Variants in FKBP3 observed in about 807,000 individuals in gnomAD.
FKBP3 encodes FKBP prolyl isomerase 3, also known as peptidyl-prolyl cis-trans isomerase FKBP3.
Under a neutral mutation model 30.6 loss-of-function variants are expected in FKBP3, and 21 were observed. The ratio of observed to expected loss-of-function variants is 0.69; its 90% CI spans 0.49 to 0.99. The LOEUF (loss-of-function observed/expected upper bound fraction) is 0.99, where lower values mean the gene tolerates loss of function less well. Among genes scored for constraint, FKBP3 ranks in the 50% least tolerant of loss-of-function variants. The pLI is 0.00. For missense variants in FKBP3, 283 were observed against 261.6 expected (o/e 1.08, Z -0.56); for synonymous variants, 82 against 91.3 (o/e 0.90, Z 0.58).
chr14:45,118,257 A>G (rs1884900028), intron 5 of FKBP3, 132 bp from the exon 6 acceptor site: 1 of 561,066 alleles, frequency 1.8e-6, no homozygotes. Context: ...ATATTCTAAG[A>G]TAATGTACTT....
intron 3 of FKBP3, among the ~76,000 whole-genome samples, chr14:45,124,742 A>G (rs996991741): frequency 2.0e-5 from 3 of 151,918 alleles, no homozygotes; most frequent in Non-Finnish European, 4.4e-5. Context: ...CTGCTTAATA[A>G]TATTTCAAAA....
rs1885171699 is a variant in FKBP3 at position 45,129,587 on chromosome 14, AG to A, written c.318+206del. ...CAATATCAGAAGTGTTTCACAGAAT[AG>A]GCTAATAACTGTAAAGCACTAGTTC... On this transcript the variant is annotated intron_variant, in intron 3 of 6. Coordinates refer to ENST00000396062, the MANE Select transcript of FKBP3 (RefSeq NM_002013.4). Among the ~76,000 whole-genome samples, 3 of 152,208 alleles carry A rather than the reference AG, an allele frequency of 2.0e-5. No homozygotes were observed. In the South Asian group the frequency reaches 6.2e-4, roughly 31 times the overall value.
intron 6 of FKBP3, among the ~76,000 whole-genome samples, chr14:45,116,984 C>G (rs572097784): frequency 6.7e-5 from 10 of 150,258 alleles, no homozygotes; most frequent in East Asian, 2.0e-4. Flanking sequence ...CCCCGCCCCC[C>G]CCACCGAGAC....
chr14:45,128,860 T>G (rs1885156754), intron 3 of FKBP3, among the ~76,000 whole-genome samples: 1 of 152,256 alleles, frequency 6.6e-6, no homozygotes, highest in African/African-American at 2.4e-5. Flanking sequence ...TGAACTATGT[T>G]GCCAGTTGCT....
At chr14:45,127,134 A>C (rs1284530340) in intron 3 of FKBP3, among the ~76,000 whole-genome samples, 32 of 102,426 alleles carry the variant, frequency 3.1e-4, no homozygotes, top group Non-Finnish European at 6.9e-5. Context: ...TTTTTTTGAG[A>C]CAGAGTTTCA....
intron 3 of FKBP3, among the ~76,000 whole-genome samples, chr14:45,127,848 C>T (rs889263433): frequency 2.0e-5 from 3 of 152,026 alleles, no homozygotes; most frequent in Non-Finnish European, 4.4e-5. Context: ...GGGTATGAGG[C>T]CTTGCTTCGA....
intron 3 of FKBP3, among the ~76,000 whole-genome samples, chr14:45,128,544 A>T (rs765536065): frequency 1.3e-5 from 2 of 152,198 alleles, no homozygotes; most frequent in Admixed American, 6.5e-5. Flanking sequence ...TTTTATGATT[A>T]TATGTTTATA....
intron 2 of FKBP3, 138 bp from the exon 3 acceptor site, chr14:45,130,039 T>C (rs1469724028): frequency 1.3e-5 from 6 of 468,902 alleles, no homozygotes; most frequent in Non-Finnish European, 2.2e-5. Flanking sequence ...ATAAATGGTC[T>C]AAGGAAACGA....
intron 3 of FKBP3, among the ~76,000 whole-genome samples, chr14:45,126,065 CT>C (rs1320701091): frequency 6.6e-6 from 1 of 151,814 alleles, no homozygotes; most frequent in African/African-American, 2.4e-5. Context: ...CGCCTGGCTA[CT>C]TTTTTGGTAG....
intron 1 of FKBP3, among the ~76,000 whole-genome samples, chr14:45,132,493 G>A (rs1027191851): frequency 6.6e-6 from 1 of 152,058 alleles, no homozygotes; most frequent in Admixed American, 6.5e-5. Context: ...CCCCTCTTGG[G>A]TTGAAACGAT....
chr14:45,121,021 A>G, intron 4 of FKBP3, 67 bp from the exon 5 acceptor site: 1 of 1,248,208 alleles, frequency 8.0e-7, no homozygotes, highest in Non-Finnish European at 1.1e-6. Context: ...TTTCCATTGG[A>G]AATTATTAAA....
chr14:45,123,442 G>A (rs540482187), intron 3 of FKBP3, among the ~76,000 whole-genome samples: 5 of 151,576 alleles, frequency 3.3e-5, no homozygotes, highest in Non-Finnish European at 7.4e-5. Context: ...TCCAGCCAAC[G>A]CCTCAAGATG....
chr14:45,129,681 A>T, intron 3 of FKBP3, 113 bp downstream of exon 3: 1 of 593,578 alleles, frequency 1.7e-6, no homozygotes, highest in Admixed American at 3.2e-5. Flanking sequence ...TGGCTCATTG[A>T]AAGTGGTCGT....
chr14:45,132,543 G>A (rs979080996), intron 1 of FKBP3, among the ~76,000 whole-genome samples: 1 of 151,786 alleles, frequency 6.6e-6, no homozygotes, highest in Non-Finnish European at 1.5e-5. Context: ...GATTAGAGGC[G>A]CCCACCACCA....
chr14:45,125,356 C>G lies in FKBP3; in HGVS notation c.319-3736G>C, dbSNP rs184865402. Among the ~76,000 whole-genome samples, 3 of 152,290 alleles carry G rather than the reference C, an allele frequency of 2.0e-5. No individual in the cohort carries two copies. The East Asian group carries it at 5.8e-4, about 29-fold the overall frequency. On this transcript the variant is annotated intron_variant, in intron 3 of 6. Transcript: ENST00000396062. Reference sequence around the variant, plus strand: ...ACCAGGGTGCTAACAGTGAGGATGACAAAACATGAATGGCTTTGGGATATA... The same window carrying G: ...ACCAGGGTGCTAACAGTGAGGATGAGAAAACATGAATGGCTTTGGGATATA...
chr14:45,131,570 A>T (rs550713706), intron 1 of FKBP3, among the ~76,000 whole-genome samples: 1 of 146,096 alleles, frequency 6.8e-6, no homozygotes, highest in Non-Finnish European at 1.5e-5. Context: ...TGGAGGTTGC[A>T]GTGAGCCGAG....
chr14:45,130,840 C>G, intron 1 of FKBP3, 40 bp from the exon 2 acceptor site: 1 of 1,225,964 alleles, frequency 8.2e-7, no homozygotes, highest in Admixed American at 2.0e-5. Flanking sequence ...TAACTTCTCC[C>G]GAGTAAGAAG....
Position 45,124,551 on chromosome 14 carries a change from ATATATT to A in FKBP3, c.319-2937_319-2932del, listed in dbSNP as rs1280911026. ...CTGTCTTAAAAAAAAAATTATATAT[ATATATT>A]TTTTTTTCTTTTTTTAAGAGACAGG... On this transcript the variant is annotated intron_variant, in intron 3 of 6. Coordinates refer to ENST00000396062, the MANE Select transcript of FKBP3 (RefSeq NM_002013.4). Among the ~76,000 whole-genome samples the A allele has an allele frequency of 3.3e-5, 5 of 150,916 alleles. No individual in the cohort carries two copies. In the East Asian group the frequency reaches 9.7e-4, roughly 29 times the overall value.
At chr14:45,123,602 CTTTTTTTTTTT>C (rs200242313) in intron 3 of FKBP3, among the ~76,000 whole-genome samples, 25 of 84,304 alleles carry the variant, frequency 3.0e-4, no homozygotes, top group Non-Finnish European at 4.7e-4. Context: ...CTCTCTACTC[CTTTTTTTTTTT>C]TTTTTTTTTT....
Sources: gnomAD v4.1 joint callset for allele counts (sites outside exome capture counted in the v4.1 genomes callset) on GRCh38, gnomAD v4.1.1 for gene constraint, MANE v1.5 for transcripts, NCBI Gene and HGNC (gene_info 2026-07-23, HGNC 2026-07-21) for gene names.